Variants in SDCCAG8 observed in about 807,000 individuals in gnomAD.
The protein encoded by SDCCAG8 is SHH signaling and ciliogenesis regulator SDCCAG8.
In SDCCAG8, 74 loss-of-function variants were observed where a neutral mutation model predicts 101.8. That is an observed-to-expected ratio of 0.73 (90% CI 0.60 to 0.88). The LOEUF is 0.88. Ranked by LOEUF, SDCCAG8 falls within the 40% of genes least tolerant of loss-of-function variation. SDCCAG8 has a pLI of 0.00. For missense variants in SDCCAG8, 787 were observed against 822.6 expected (o/e 0.96, Z 0.53); for synonymous variants, 281 against 292.9 (o/e 0.96, Z 0.41).
At chr1:243,343,250 A>G (rs908710036) in intron 11 of SDCCAG8, among the ~76,000 whole-genome samples, 11 of 152,240 alleles carry the variant, frequency 7.2e-5, no homozygotes, top group Non-Finnish European at 1.6e-4. Flanking sequence ...GTTCCAAGAA[A>G]GCATAACGGT....
chr1:243,293,417 A>T (rs2070468863), intron 6 of SDCCAG8, 198 bp downstream of exon 6: 3 of 713,042 alleles, frequency 4.2e-6, no homozygotes, highest in Non-Finnish European at 2.5e-6. Context: ...GATCATCTCA[A>T]ACAAAAAGTC....
chr1:243,495,423 A>G (rs534241271), intron 17 of SDCCAG8, among the ~76,000 whole-genome samples: 13 of 152,256 alleles, frequency 8.5e-5, no homozygotes, highest in African/African-American at 2.6e-4. Context: ...GAAGGGAAGG[A>G]GGGCTTTGAA....
intron 13 of SDCCAG8, among the ~76,000 whole-genome samples, chr1:243,414,602 A>G (rs1272699610): frequency 6.6e-6 from 1 of 152,188 alleles, no homozygotes; most frequent in East Asian, 1.9e-4. Flanking sequence ...ATGTTGCTTT[A>G]TAATTAGAAG....
intron 13 of SDCCAG8, among the ~76,000 whole-genome samples, chr1:243,413,176 A>G (rs2148006627): frequency 6.6e-6 from 1 of 152,290 alleles, no homozygotes; most frequent in South Asian, 2.1e-4. Flanking sequence ...TTATGACAGT[A>G]GTTCTTTTCT....
At chr1:243,372,916 ATATC>A (rs2077376888) in intron 12 of SDCCAG8, among the ~76,000 whole-genome samples, 1 of 144,380 alleles carries the variant, frequency 6.9e-6, no homozygotes, top group South Asian at 2.2e-4. Context: ...ATCTATATCT[ATATC>A]TATATCTATA....
intron 11 of SDCCAG8, among the ~76,000 whole-genome samples, chr1:243,342,360 A>G (rs1318859100): frequency 1.3e-5 from 2 of 152,250 alleles, no homozygotes; most frequent in Admixed American, 6.5e-5. Flanking sequence ...GTTGCTTCCA[A>G]CGTGGAGATA....
chr1:243,472,641 T>G (rs1010168994), intron 16 of SDCCAG8, among the ~76,000 whole-genome samples: 8 of 152,230 alleles, frequency 5.3e-5, no homozygotes, highest in Non-Finnish European at 1.0e-4. Context: ...TCAAAGGTAC[T>G]TCGAGCAATG....
intron 13 of SDCCAG8, among the ~76,000 whole-genome samples, chr1:243,392,720 C>T (rs959200061): frequency 8.5e-5 from 13 of 152,154 alleles, no homozygotes; most frequent in African/African-American, 1.9e-4. Flanking sequence ...TGGCAGCATG[C>T]GACAACTCAC....
intron 16 of SDCCAG8, among the ~76,000 whole-genome samples, chr1:243,450,671 G>A (rs185002060): frequency 2.6e-5 from 4 of 152,166 alleles, no homozygotes; most frequent in African/African-American, 9.6e-5. Context: ...TTGTTTGTTT[G>A]TTTTGAGACA....
intron 16 of SDCCAG8, among the ~76,000 whole-genome samples, chr1:243,455,154 A>T (rs1203058413): frequency 6.6e-6 from 1 of 152,238 alleles, no homozygotes; most frequent in African/African-American, 2.4e-5. Flanking sequence ...AAGAAATGAA[A>T]ACTTTTGAAA....
At chr1:243,496,620 G>A (rs549610893) in intron 17 of SDCCAG8, among the ~76,000 whole-genome samples, 1 of 152,330 alleles carries the variant, frequency 6.6e-6, no homozygotes, top group Non-Finnish European at 1.5e-5. Context: ...TGCGAAGCCC[G>A]GGCAGGTCTC....
chr1:243,457,771 G>A (rs984292485), intron 16 of SDCCAG8, among the ~76,000 whole-genome samples: 2 of 152,156 alleles, frequency 1.3e-5, no homozygotes, highest in African/African-American at 2.4e-5. Flanking sequence ...AACCTCAAGC[G>A]TACTTTGCAA....
At chr1:243,337,471 G>C (rs948519093) in intron 10 of SDCCAG8, among the ~76,000 whole-genome samples, 67 of 152,166 alleles carry the variant, frequency 4.4e-4, no homozygotes, top group African/African-American at 1.5e-3. Flanking sequence ...GCTCACAGTG[G>C]TCCTAGCACT....
chr1:243,283,772 A>C (rs2069305542), intron 4 of SDCCAG8, among the ~76,000 whole-genome samples: 1 of 151,966 alleles, frequency 6.6e-6, no homozygotes. Context: ...ACGGAGTCTC[A>C]CTCTGTTGCC....
chr1:243,455,549 G>A (rs1027555652), intron 16 of SDCCAG8, among the ~76,000 whole-genome samples: 1 of 152,166 alleles, frequency 6.6e-6, no homozygotes, highest in African/African-American at 2.4e-5. Context: ...GATTACAGGC[G>A]AGAGCCACCG....
At chr1:243,339,429 T>C (rs1299683399) in intron 10 of SDCCAG8, among the ~76,000 whole-genome samples, 2 of 152,212 alleles carry the variant, frequency 1.3e-5, no homozygotes, top group South Asian at 2.1e-4. Context: ...AAATTTTAAA[T>C]TGAAATGAAA....
intron 17 of SDCCAG8, among the ~76,000 whole-genome samples, chr1:243,496,957 G>A (rs781585724): frequency 2.6e-5 from 4 of 152,154 alleles, no homozygotes; most frequent in East Asian, 1.9e-4. Context: ...GCGCCCTGTC[G>A]CCCCCCTCTG....
intron 13 of SDCCAG8, among the ~76,000 whole-genome samples, chr1:243,409,450 C>T (rs182237213): frequency 1.1e-3 from 166 of 152,176 alleles, no homozygotes; most frequent in African/African-American, 3.7e-3. Context: ...AGACTTAGTC[C>T]ACCAAGGTGA....
rs182398136 is a variant in SDCCAG8 at position 243,293,354 on chromosome 1, T to G, written c.675+135T>G. On this transcript the variant is annotated intron_variant, in intron 6 of 17. Coordinates refer to ENST00000366541, the MANE Select transcript of SDCCAG8 (RefSeq NM_006642.5). ...TTTTAAGCGTACAGTTTATCTGCAT[T>G]AAGTACATTCATGTCACTCAATCAT... 29 of 883,778 alleles carry G rather than the reference T, an allele frequency of 3.3e-5. No individual in the cohort carries two copies. The Middle Eastern group carries it at 1.1e-3, about 32-fold the overall frequency. The allele number at this position is 883,778 out of a possible 1,614,324, so 54.7% of individuals were successfully genotyped here. A position where few individuals can be genotyped will look rare whatever the true frequency, so the allele number is the denominator to read the frequency against.
Sources: gnomAD v4.1 joint callset for allele counts (sites outside exome capture counted in the v4.1 genomes callset) on GRCh38, gnomAD v4.1.1 for gene constraint, MANE v1.5 for transcripts, NCBI Gene and HGNC (gene_info 2026-07-23, HGNC 2026-07-21) for gene names.